Variants in SHISA9 observed in about 807,000 individuals in gnomAD.
The protein encoded by SHISA9 is shisa family member 9.
In SHISA9, 13 loss-of-function variants were observed where a neutral mutation model predicts 38.0. That is an observed-to-expected ratio of 0.34 (90% confidence interval 0.22 to 0.54). The LOEUF (loss-of-function observed/expected upper bound fraction) is 0.54. Ranked by LOEUF, SHISA9 falls within the 20% of genes least tolerant of loss-of-function variation. The pLI is 0.91. For synonymous variants in SHISA9, 275 were observed against 242.0 expected, an observed-to-expected ratio of 1.14 and a Z score of -1.27; for missense variants, 538 against 575.8, an observed-to-expected ratio of 0.93 and a Z score of 0.67.
At chr16:13,408,934 C>T in the SHISA9 span, among the ~76,000 whole-genome samples, 1 of 152,178 alleles carries the variant, frequency 6.6e-6, no homozygotes, top group Non-Finnish European at 1.5e-5. Context: ...CCTGGATACC[C>T]ATGGCCTTAA....
chr16:13,360,871 G>C, the SHISA9 span, among the ~76,000 whole-genome samples: 17 of 152,168 alleles, frequency 1.1e-4, no homozygotes, highest in African/African-American at 3.9e-4. Flanking sequence ...GTTCCTCAGA[G>C]GGCTCCTGGT....
chr16:13,533,849 T>C, the SHISA9 span, among the ~76,000 whole-genome samples: 2 of 150,654 alleles, frequency 1.3e-5, no homozygotes, highest in Non-Finnish European at 2.9e-5. Context: ...AGTGGCGCGA[T>C]CTCGGCTCAC....
chr16:13,072,239 A>T (rs993200185), intron 2 of SHISA9, among the ~76,000 whole-genome samples: 1 of 152,244 alleles, frequency 6.6e-6, no homozygotes, highest in South Asian at 2.1e-4. Flanking sequence ...CCAGTACCCA[A>T]TGCAGGTAAG....
chr16:13,268,285 A>G, the SHISA9 span, among the ~76,000 whole-genome samples: 4 of 152,154 alleles, frequency 2.6e-5, no homozygotes, highest in African/African-American at 9.7e-5. Context: ...CAAGGCGAGT[A>G]TATCACTGGA....
At chr16:13,066,486 A>G (rs1490095149) in intron 2 of SHISA9, among the ~76,000 whole-genome samples, 1 of 152,208 alleles carries the variant, frequency 6.6e-6, no homozygotes, top group Non-Finnish European at 1.5e-5. Context: ...CTGATGTTCA[A>G]ATGAGTAATT....
At chr16:13,528,459 C>G in the SHISA9 span, among the ~76,000 whole-genome samples, 1 of 151,612 alleles carries the variant, frequency 6.6e-6, no homozygotes, top group Admixed American at 6.6e-5. Flanking sequence ...GTACTCTGAA[C>G]GTGTCTTATT....
At chr16:13,215,339 G>A (rs1307017111) in intron 4 of SHISA9, among the ~76,000 whole-genome samples, 1 of 152,162 alleles carries the variant, frequency 6.6e-6, no homozygotes, top group Non-Finnish European at 1.5e-5. Context: ...CCCTCATTGG[G>A]AAAGAGAGCT....
intron 2 of SHISA9, among the ~76,000 whole-genome samples, chr16:13,060,917 A>G (rs1236780338): frequency 1.3e-5 from 2 of 152,134 alleles, no homozygotes; most frequent in Non-Finnish European, 2.9e-5. Context: ...GCTTCTTCCT[A>G]GTCCAAAAAG....
At chr16:13,520,063 A>ACAGCAAGAGCCATAT in the SHISA9 span, among the ~76,000 whole-genome samples, 1 of 152,154 alleles carries the variant, frequency 6.6e-6, no homozygotes, top group African/African-American at 2.4e-5. Flanking sequence ...CATGAGAACC[A>ACAGCAAGAGCCATAT]CAGCAAGAGC....
chr16:13,074,048 C>T (rs1160503426), intron 2 of SHISA9, among the ~76,000 whole-genome samples: 1 of 149,384 alleles, frequency 6.7e-6, no homozygotes, highest in African/African-American at 2.5e-5. Context: ...TGGCTCACTG[C>T]AACCTCTACC....
At chr16:13,472,714 C>CT in the SHISA9 span, among the ~76,000 whole-genome samples, 1 of 152,020 alleles carries the variant, frequency 6.6e-6, no homozygotes, top group Non-Finnish European at 1.5e-5. Flanking sequence ...TTTAAATGAT[C>CT]TTTTCTCTTT....
chr16:13,044,605 G>T (rs1043153407), intron 2 of SHISA9, among the ~76,000 whole-genome samples: 10 of 152,320 alleles, frequency 6.6e-5, no homozygotes, highest in African/African-American at 2.2e-4. Context: ...AGGAAGCACC[G>T]TGGGGCTCAG....
At chr16:13,061,235 C>G (rs745968609) in intron 2 of SHISA9, among the ~76,000 whole-genome samples, 3 of 152,176 alleles carry the variant, frequency 2.0e-5, no homozygotes, top group Non-Finnish European at 4.4e-5. Flanking sequence ...TGCATATGCT[C>G]TGTGCTACAG....
At chr16:13,206,339 C>G (rs759924111) in intron 3 of SHISA9, among the ~76,000 whole-genome samples, 13 of 152,196 alleles carry the variant, frequency 8.5e-5, no homozygotes, top group Non-Finnish European at 1.5e-4. Flanking sequence ...TTTCTCCCCC[C>G]ACTGCCAAGC....
the SHISA9 span, among the ~76,000 whole-genome samples, chr16:13,361,870 C>A: frequency 3.3e-5 from 5 of 152,126 alleles, no homozygotes; most frequent in Non-Finnish European, 7.4e-5. Context: ...CTAATTATTT[C>A]CACTATGTGT....
the SHISA9 span, among the ~76,000 whole-genome samples, chr16:13,518,650 C>G: frequency 6.6e-6 from 1 of 152,294 alleles, no homozygotes; most frequent in South Asian, 2.1e-4. Flanking sequence ...CCAGGATGTT[C>G]CCCATTCTAC....
chr16:13,405,931 G>C, the SHISA9 span, among the ~76,000 whole-genome samples: 1 of 69,808 alleles, frequency 1.4e-5, no homozygotes, highest in Non-Finnish European at 3.0e-5. Flanking sequence ...CCTTGGCAAA[G>C]AAATCATGAC....
chr16:13,297,351 A>G, the SHISA9 span, among the ~76,000 whole-genome samples: 107 of 152,194 alleles, frequency 7.0e-4, no homozygotes, highest in Non-Finnish European at 1.2e-3. Context: ...ATTTGGCCAT[A>G]TAATTTTTTA....
chr16:13,207,827 T>C (rs1408376431), intron 3 of SHISA9, among the ~76,000 whole-genome samples: 1 of 152,226 alleles, frequency 6.6e-6, no homozygotes, highest in East Asian at 1.9e-4. Flanking sequence ...ATGAAATGCA[T>C]TTTATTAATG....
Sources: gnomAD v4.1 joint callset for allele counts (sites outside exome capture counted in the v4.1 genomes callset) on GRCh38, gnomAD v4.1.1 for gene constraint, MANE v1.5 for transcripts, NCBI Gene and HGNC (gene_info 2026-07-23, HGNC 2026-07-21) for gene names.